Variants in GLT8D2 observed in about 807,000 individuals in gnomAD.
GLT8D2 encodes glycosyltransferase 8 domain containing 2.
In GLT8D2, 45 loss-of-function variants were observed where a neutral mutation model predicts 44.5. That is an observed-to-expected ratio of 1.01 (90% CI 0.80 to 1.30). The LOEUF (loss-of-function observed/expected upper bound fraction) is 1.30, where lower values mean the gene tolerates loss of function less well. GLT8D2 is among the 50% of genes most tolerant of loss of function. The pLI, the probability that GLT8D2 is intolerant of heterozygous loss-of-function variation, is 0.00. For synonymous variants in GLT8D2, 156 were observed against 157.2 expected (o/e 0.99, Z 0.06); for missense variants, 400 against 430.4 (o/e 0.93, Z 0.62).
At chr12:104,016,639 AAAG>A (rs763397677) in intron 3 of GLT8D2, among the ~76,000 whole-genome samples, 17 of 149,514 alleles carry the variant, frequency 1.1e-4, no homozygotes, top group Admixed American at 9.5e-4. Context: ...GTCAAAAAAG[AAAG>A]AAGGAGAGAA....
Position 103,996,728 on chromosome 12 carries a change from T to C in GLT8D2, c.600+7A>G. 6.3e-7 allele frequency: 1 copy of C among 1,596,638 alleles called. No homozygotes were observed. Among genetic ancestry groups the C allele is most frequent in the Non-Finnish European group, 8.6e-7 (1 of 1,165,678 alleles). ...AAGGGAGGATTTCTGAGACAGCATA[T>C]GCCCACCTGAAGTCCCACGAGTCTG... On this transcript the variant is annotated splice_region_variant and intron_variant, in intron 8 of 10. Coordinates refer to ENST00000360814, the MANE Select transcript of GLT8D2 (RefSeq NM_001384711.1).
chr12:104,062,944 G>A lies in GLT8D2; in HGVS notation c.-423+1005C>T, dbSNP rs186296473. On this transcript the variant is annotated intron_variant, in intron 1 of 10. Transcript: ENST00000548660. Reference sequence around the variant, plus strand: ...CTCTGCCTCCTGTCAGATCAACCGCGCATTAGATTCTCATAGGAGCTCGAA... The same window carrying A: ...CTCTGCCTCCTGTCAGATCAACCGCACATTAGATTCTCATAGGAGCTCGAA... Among the ~76,000 whole-genome samples, 9 of 152,176 alleles carry A rather than the reference G, an allele frequency of 5.9e-5. 1 individual carries two copies. Among genetic ancestry groups the A allele is most frequent in the South Asian group, 2.1e-4 (1 of 4,820 alleles).
At position 103,999,510 on chromosome 12, in the gene GLT8D2, A is replaced by T; in HGVS notation, c.289T>A (p.Trp97Arg). The change falls in exon 6 of 11, where the codon TGG (tryptophan) becomes AGG (arginine). Residue 97 changes from tryptophan (W) to arginine (R), a missense_variant. Physicochemically the swap from Trp to Arg is moderately radical, Grantham distance 101. Coordinates refer to ENST00000360814, the MANE Select transcript of GLT8D2 (RefSeq NM_001384711.1). ...TCTCTCAGTTTGGAATGTTCAATCC[A>T]TTTTCTAAAAAGATGACCAAAAAAA... is the stretch of plus-strand genomic sequence containing the variant. Reference protein sequence around the residue: ...LRNTLTRIRKWIEHSKLREIN... With the variant: ...LRNTLTRIRKRIEHSKLREIN... 1 of 1,597,444 alleles carries T rather than the reference A, an allele frequency of 6.3e-7. No individual in the cohort carries two copies. The highest frequency in any genetic ancestry group is 8.6e-7 in the Non-Finnish European group (1 of 1,166,818).
intron 1 of GLT8D2, among the ~76,000 whole-genome samples, chr12:104,028,779 T>C (rs985054685): frequency 8.5e-5 from 13 of 152,166 alleles, no homozygotes; most frequent in Non-Finnish European, 4.4e-5. Flanking sequence ...ATGAAACAAA[T>C]TGAAATCCTG....
upstream of GLT8D2, among the ~76,000 whole-genome samples, chr12:104,054,897 T>G (rs1325402640): frequency 6.6e-6 from 1 of 152,138 alleles, no homozygotes; most frequent in Non-Finnish European, 1.5e-5. Context: ...TAGAGTTGAA[T>G]CAGTCAGGGT....
intron 1 of GLT8D2, among the ~76,000 whole-genome samples, chr12:104,024,612 A>T (rs900814348): frequency 2.0e-5 from 3 of 151,948 alleles, no homozygotes; most frequent in African/African-American, 7.3e-5. Context: ...TTGCATTGTG[A>T]TTTTAATTTG....
chr12:104,063,154 A>G (rs538098891), intron 1 of GLT8D2, among the ~76,000 whole-genome samples: 15 of 152,308 alleles, frequency 9.8e-5, no homozygotes, highest in African/African-American at 3.4e-4. Flanking sequence ...ACCGGTCCCT[A>G]GTGCCAAAAA....
intron 1 of GLT8D2, among the ~76,000 whole-genome samples, chr12:104,059,233 G>A (rs529447386): frequency 5.2e-4 from 79 of 152,176 alleles, no homozygotes; most frequent in Non-Finnish European, 1.0e-3. Context: ...TTCAACCCTG[G>A]TATACATGTA....
chr12:104,014,150 GC>G, intron 4 of GLT8D2: 1 of 587,898 alleles, frequency 1.7e-6, no homozygotes, highest in Non-Finnish European at 3.1e-6. Flanking sequence ...GACAGCTTGA[GC>G]CCAGGAGTTC....
chr12:104,046,547 CTG>C (rs1270525241), intron 1 of GLT8D2, among the ~76,000 whole-genome samples: 4 of 152,222 alleles, frequency 2.6e-5, no homozygotes, highest in African/African-American at 9.6e-5. Context: ...GTTGCTATCA[CTG>C]TGTCAAGCAA....
chr12:104,003,544 T>C lies in GLT8D2; in HGVS notation c.113-238A>G, dbSNP rs190951098. Among the ~76,000 whole-genome samples, 306 of 152,360 alleles carry C rather than the reference T, an allele frequency of 2.0e-3. 2 individuals are homozygous for C. Among genetic ancestry groups the C allele is most frequent in the African/African-American group, 6.9e-3 (288 of 41,590 alleles). ...CGTGCAGCTCTATATGATCAAGTTC[T>C]GACCAATGGGATGTTGGTTTAAGTA... On this transcript the variant is annotated intron_variant, in intron 4 of 10. Transcript: ENST00000360814.
intron 1 of GLT8D2, among the ~76,000 whole-genome samples, chr12:104,034,039 C>CA (rs1327192313): frequency 6.6e-6 from 1 of 151,842 alleles, no homozygotes; most frequent in Non-Finnish European, 1.5e-5. Context: ...AGAAAGCAAA[C>CA]AAAAAACTCT....
At chr12:103,994,589 T>A in intron 8 of GLT8D2, 88 bp from the exon 9 acceptor site, 1 of 1,231,334 alleles carries the variant, frequency 8.1e-7, no homozygotes, top group Non-Finnish European at 1.1e-6. Flanking sequence ...TTGTGCAGTA[T>A]CTTTGGGTTT....
At chr12:104,043,647 A>C (rs1880795524) in intron 1 of GLT8D2, among the ~76,000 whole-genome samples, 1 of 152,040 alleles carries the variant, frequency 6.6e-6, no homozygotes, top group South Asian at 2.1e-4. Flanking sequence ...TTGTATTTTT[A>C]GTAGAGAGGC....
intron 4 of GLT8D2, among the ~76,000 whole-genome samples, chr12:104,004,551 T>C (rs1393588642): frequency 6.6e-6 from 1 of 152,226 alleles, no homozygotes; most frequent in African/African-American, 2.4e-5. Flanking sequence ...ATAAAATCAA[T>C]GTGCAAAAAT....
At chr12:104,056,669 A>G (rs1241101755) in intron 1 of GLT8D2, among the ~76,000 whole-genome samples, 1 of 152,244 alleles carries the variant, frequency 6.6e-6, no homozygotes, top group African/African-American at 2.4e-5. Context: ...AAGTCCCCCA[A>G]TAATACAGTT....
At chr12:104,032,754 G>T (rs1015656402) in intron 1 of GLT8D2, among the ~76,000 whole-genome samples, 1 of 151,768 alleles carries the variant, frequency 6.6e-6, no homozygotes, top group African/African-American at 2.4e-5. Flanking sequence ...ACAATATGGA[G>T]GTCTCTCAAA....
In GLT8D2 at chr12:104,022,051, AAGAAGG is replaced by A. The variant is rs1174330574; in HGVS notation, c.-163-566_-163-561del. On this transcript the variant is annotated intron_variant, in intron 1 of 10. Coordinates refer to ENST00000360814, the MANE Select transcript of GLT8D2 (RefSeq NM_001384711.1). Reference sequence around the variant, plus strand: ...GAAGAAGAAGAAGAAGAAGAAGAAGAAGAAGGGAAAGAAAGAAAGAAAGAAAAAAAA... The same window carrying A: ...GAAGAAGAAGAAGAAGAAGAAGAAGAGAAAGAAAGAAAGAAAGAAAAAAAA... Among the ~76,000 whole-genome samples, 31 of 130,476 alleles carry A rather than the reference AAGAAGG, an allele frequency of 2.4e-4. 2 individuals are homozygous for A. The highest frequency in any genetic ancestry group is 7.1e-4 in the African/African-American group (20 of 28,008). 85.6% of individuals were successfully genotyped at this position (130,476 alleles called of 152,430 possible). A position where few individuals can be genotyped will look rare whatever the true frequency, so the allele number is the denominator to read the frequency against.
At chr12:104,029,060 G>A (rs926835914) in intron 1 of GLT8D2, among the ~76,000 whole-genome samples, 1 of 152,202 alleles carries the variant, frequency 6.6e-6, no homozygotes, top group African/African-American at 2.4e-5. Context: ...GGGAGGCTGA[G>A]GCAGGTGGAT....
Sources: allele counts gnomAD v4.1 joint callset (sites outside exome capture counted in the v4.1 genomes callset), GRCh38; gene constraint gnomAD v4.1.1; transcripts MANE v1.5; gene names NCBI Gene and HGNC (gene_info 2026-07-23, HGNC 2026-07-21).